The following DSCAM variants were observed in gnomAD, a reference collection of about 807,000 sequenced individuals.
DSCAM encodes DS cell adhesion molecule.
Under a neutral mutation model 217.7 loss-of-function variants are expected in DSCAM, and 47 were observed. The ratio of observed to expected loss-of-function variants is 0.22; its 90% CI spans 0.17 to 0.28. DSCAM has a LOEUF of 0.28. Ranked by LOEUF, DSCAM falls within the 10% of genes least tolerant of loss-of-function variation. DSCAM has a pLI of 1.00. For missense variants in DSCAM, 2,080 were observed against 2,618.3 expected (o/e 0.79, Z 4.49); for synonymous variants, 1,056 against 1,015.3 (o/e 1.04, Z -0.76).
At chr21:40,616,743 C>G (rs1432033523) in intron 3 of DSCAM, among the ~76,000 whole-genome samples, 1 of 152,240 alleles carries the variant, frequency 6.6e-6, no homozygotes, top group South Asian at 2.1e-4. Flanking sequence ...ATTGGCCGGG[C>G]GCGGTGGCTC....
chr21:40,118,224 C>A (rs1254982558), intron 20 of DSCAM, among the ~76,000 whole-genome samples: 1 of 152,182 alleles, frequency 6.6e-6, no homozygotes, highest in Non-Finnish European at 1.5e-5. Flanking sequence ...GGACAACAGA[C>A]TGGGAGTTGA....
At chr21:40,563,794 ATATATAGT>A (rs1342224740) in intron 3 of DSCAM, among the ~76,000 whole-genome samples, 4 of 148,176 alleles carry the variant, frequency 2.7e-5, no homozygotes. Context: ...TTATATGTTT[ATATATAGT>A]TATATGTGTA....
intron 32 of DSCAM, among the ~76,000 whole-genome samples, chr21:40,017,511 T>C (rs1232398575): frequency 6.6e-6 from 1 of 152,118 alleles, no homozygotes; most frequent in African/African-American, 2.4e-5. Context: ...TACTGTCAAC[T>C]GGATCCAAGG....
intron 3 of DSCAM, among the ~76,000 whole-genome samples, chr21:40,620,036 G>A (rs1216719456): frequency 1.6e-4 from 16 of 100,798 alleles, no homozygotes; most frequent in Non-Finnish European, 4.0e-5. Context: ...AAGAGAGAGA[G>A]AAAGAGAGAG....
At chr21:40,260,269 T>C (rs541802043) in intron 11 of DSCAM, among the ~76,000 whole-genome samples, 1 of 152,174 alleles carries the variant, frequency 6.6e-6, no homozygotes, top group African/African-American at 2.4e-5. Flanking sequence ...AAAGTGGACA[T>C]CTAACTTGAG....
intron 11 of DSCAM, among the ~76,000 whole-genome samples, chr21:40,212,748 A>T (rs2091198115): frequency 6.6e-6 from 1 of 152,200 alleles, no homozygotes; most frequent in African/African-American, 2.4e-5. Context: ...TCAGAATATG[A>T]CCTTACTTGG....
At chr21:40,291,657 G>A (rs748700169) in intron 10 of DSCAM, among the ~76,000 whole-genome samples, 2 of 152,166 alleles carry the variant, frequency 1.3e-5, no homozygotes, top group Non-Finnish European at 2.9e-5. Context: ...CGGAGGACAG[G>A]AGCACAGGAC....
intron 3 of DSCAM, among the ~76,000 whole-genome samples, chr21:40,600,039 G>A (rs1048276239): frequency 6.6e-6 from 1 of 152,150 alleles, no homozygotes; most frequent in Non-Finnish European, 1.5e-5. Context: ...AAGAGGAGCT[G>A]GTACCATCCT....
intron 3 of DSCAM, among the ~76,000 whole-genome samples, chr21:40,668,926 G>T (rs2090236046): frequency 6.6e-6 from 1 of 151,980 alleles, no homozygotes; most frequent in Admixed American, 6.6e-5. Context: ...CTAAAATGAG[G>T]CTCTGTAATG....
At chr21:40,513,694 C>T (rs1004316130) in intron 3 of DSCAM, among the ~76,000 whole-genome samples, 1 of 152,182 alleles carries the variant, frequency 6.6e-6, no homozygotes, top group African/African-American at 2.4e-5. Flanking sequence ...ATGACCCAAA[C>T]ACCTTCCACT....
chr21:40,127,932 G>T (rs1297150540), intron 19 of DSCAM, among the ~76,000 whole-genome samples: 1 of 152,000 alleles, frequency 6.6e-6, no homozygotes, highest in Non-Finnish European at 1.5e-5. Context: ...CCATGATCCA[G>T]GGCCTTGGGA....
intron 3 of DSCAM, among the ~76,000 whole-genome samples, chr21:40,605,608 CA>C (rs1354732789): frequency 6.6e-6 from 1 of 152,010 alleles, no homozygotes; most frequent in African/African-American, 2.4e-5. Context: ...AATACAGCTT[CA>C]TTTACAAAAA....
intron 3 of DSCAM, among the ~76,000 whole-genome samples, chr21:40,505,730 T>C (rs2076205169): frequency 6.6e-6 from 1 of 152,196 alleles, no homozygotes; most frequent in Non-Finnish European, 1.5e-5. Context: ...AAATTACTCT[T>C]TGGGGAAGCT....
chr21:40,671,148 C>A (rs576335621), intron 3 of DSCAM, among the ~76,000 whole-genome samples: 1 of 152,204 alleles, frequency 6.6e-6, no homozygotes, highest in South Asian at 2.1e-4. Flanking sequence ...AGTCTTTGAC[C>A]AGGTTTACTT....
chr21:40,554,035 T>C (rs1335969400), intron 3 of DSCAM, among the ~76,000 whole-genome samples: 2 of 152,000 alleles, frequency 1.3e-5, no homozygotes, highest in Non-Finnish European at 2.9e-5. Context: ...TCATGCTAGA[T>C]GTCCAGGCTG....
intron 3 of DSCAM, among the ~76,000 whole-genome samples, chr21:40,452,188 C>T (rs1007981716): frequency 2.0e-5 from 3 of 149,502 alleles, no homozygotes; most frequent in Non-Finnish European, 4.4e-5. Context: ...AGATACAGAG[C>T]ACTATATAAT....
intron 25 of DSCAM, among the ~76,000 whole-genome samples, chr21:40,079,586 A>C (rs1452620289): frequency 1.3e-5 from 2 of 152,038 alleles, no homozygotes; most frequent in Admixed American, 6.5e-5. Flanking sequence ...CTGCAAAGAC[A>C]TCTCCTCACC....
intron 3 of DSCAM, among the ~76,000 whole-genome samples, chr21:40,492,170 C>A (rs866804061): frequency 5.9e-5 from 9 of 151,958 alleles, no homozygotes; most frequent in Admixed American, 3.9e-4. Context: ...TGCTTCAGAG[C>A]CTTTGATAAA....
At chr21:40,766,668 C>T (rs1191722730) in intron 1 of DSCAM, among the ~76,000 whole-genome samples, 1 of 44,028 alleles carries the variant, frequency 2.3e-5, no homozygotes, top group Non-Finnish European at 4.0e-5. Flanking sequence ...AACAACAATT[C>T]CAAAAAAAAA....
Sources: gnomAD v4.1 joint callset for allele counts (sites outside exome capture counted in the v4.1 genomes callset) on GRCh38, gnomAD v4.1.1 for gene constraint, MANE v1.5 for transcripts, NCBI Gene and HGNC (gene_info 2026-07-23, HGNC 2026-07-21) for gene names.